CTNNA3: variants seen among roughly 807,000 people sequenced by gnomAD.
CTNNA3 encodes catenin alpha-3.
CTNNA3 carries 76 observed loss-of-function variants against 95.7 expected under a neutral mutation model. The ratio of observed to expected loss-of-function variants is 0.79; its 90% CI spans 0.66 to 0.96. The LOEUF (loss-of-function observed/expected upper bound fraction) is 0.96, where lower values mean the gene tolerates loss of function less well. Ranked by LOEUF, CTNNA3 falls within the 40% of genes least tolerant of loss-of-function variation. CTNNA3 has a pLI of 0.00. For synonymous variants in CTNNA3, 431 were observed against 374.4 expected (o/e 1.15, Z -1.74); for missense variants, 1,191 against 1,089.8 (o/e 1.09, Z -1.31).
chr10:67,669,090 G>T (rs969042863), intron 1 of CTNNA3, among the ~76,000 whole-genome samples: 1 of 151,826 alleles, frequency 6.6e-6, no homozygotes, highest in South Asian at 2.1e-4. Flanking sequence ...TGCCCGCCTC[G>T]GCCTCCCAAA....
intron 7 of CTNNA3, among the ~76,000 whole-genome samples, chr10:66,964,277 C>CT (rs566704978): frequency 2.3e-3 from 316 of 140,070 alleles, no homozygotes; most frequent in East Asian, 4.2e-3. Context: ...AAGAGCAGGT[C>CT]TTTTTTTTTT....
intron 9 of CTNNA3, among the ~76,000 whole-genome samples, chr10:66,665,385 A>G (rs1216091254): frequency 6.6e-6 from 1 of 152,186 alleles, no homozygotes; most frequent in African/African-American, 2.4e-5. Flanking sequence ...CAAAAGCAAC[A>G]ACTCTTTTGG....
chr10:66,774,250 A>G (rs766361369), intron 8 of CTNNA3, among the ~76,000 whole-genome samples: 1 of 152,142 alleles, frequency 6.6e-6, no homozygotes, highest in African/African-American at 2.4e-5. Context: ...TGGGGTAGAA[A>G]TCCTGAAGAC....
intron 11 of CTNNA3, among the ~76,000 whole-genome samples, chr10:66,471,575 C>T (rs1305190932): frequency 6.6e-6 from 1 of 151,322 alleles, no homozygotes; most frequent in African/African-American, 2.4e-5. Context: ...GAATTAAATA[C>T]AGCTTTTTAT....
rs546751200 is a variant in CTNNA3 at position 66,000,031 on chromosome 10, CA to C, written c.2160-11235del. On this transcript the variant is annotated intron_variant, in intron 15 of 17. Transcript: ENST00000433211. ...TTCCATTTTTATACATACTTCAAAACATTATCTCGTACACAATAAATATATA... is the reference window on the plus strand; with the variant it reads ...TTCCATTTTTATACATACTTCAAAACTTATCTCGTACACAATAAATATATA... Among the ~76,000 whole-genome samples the C allele has an allele frequency of 6.2e-3, 935 of 151,434 alleles. 14 individuals carry two copies. The highest frequency in any genetic ancestry group is 0.022 in the African/African-American group (888 of 41,290).
intron 10 of CTNNA3, among the ~76,000 whole-genome samples, chr10:66,616,611 A>G (rs1844523591): frequency 6.6e-6 from 1 of 152,092 alleles, no homozygotes; most frequent in South Asian, 2.1e-4. Flanking sequence ...GGTGATACCT[A>G]TAACTGGGCA....
intron 11 of CTNNA3, among the ~76,000 whole-genome samples, chr10:66,427,778 G>A (rs1436258556): frequency 6.6e-6 from 1 of 151,734 alleles, no homozygotes; most frequent in Non-Finnish European, 1.5e-5. Flanking sequence ...GGAACAACCG[G>A]TACCAGCCAC....
At chr10:65,975,122 A>T (rs1341635173) in intron 16 of CTNNA3, among the ~76,000 whole-genome samples, 2 of 152,122 alleles carry the variant, frequency 1.3e-5, no homozygotes, top group African/African-American at 4.8e-5. Flanking sequence ...CATTACCCTG[A>T]GTCAAAGTCG....
At chr10:67,433,846 T>C (rs543386346) in intron 5 of CTNNA3, among the ~76,000 whole-genome samples, 1 of 152,122 alleles carries the variant, frequency 6.6e-6, no homozygotes, top group African/African-American at 2.4e-5. Context: ...ACCCTAGCCA[T>C]ACCACCTCTC....
chr10:67,673,355 C>T (rs1287888422), intron 1 of CTNNA3, among the ~76,000 whole-genome samples: 15 of 147,804 alleles, frequency 1.0e-4, no homozygotes, highest in South Asian at 2.2e-4. Flanking sequence ...CCTTTATTTC[C>T]TTCTCCTGCC....
Position 66,927,913 on chromosome 10 carries a change from C to T in CTNNA3, c.1048-152389G>A, listed in dbSNP as rs1455918862. The T allele has an allele frequency of 1.2e-6, 2 of 1,614,068 alleles. No homozygotes were observed. Among genetic ancestry groups the T allele is most frequent in the African/African-American group, 2.7e-5 (2 of 74,916 alleles). On this transcript the variant is annotated intron_variant, in intron 7 of 17. Coordinates refer to ENST00000433211, the MANE Select transcript of CTNNA3 (RefSeq NM_013266.4). This position sits in a 1 kb window ranked among gnomAD's most constrained non-coding sequence, Gnocchi z 4.7. ...AAACTGGCTGAAAAGTTTTAAAGGT[C>T]TAAGGGAGAATACAATTATCTGTGC...
At chr10:66,007,781 T>G in intron 15 of CTNNA3, among the ~76,000 whole-genome samples, 1 of 39,156 alleles carries the variant, frequency 2.6e-5, no homozygotes, top group South Asian at 1.6e-3. Context: ...TTCCTTCCTT[T>G]CCTCCCTTCC....
chr10:66,620,484 T>C (rs1258399461), intron 10 of CTNNA3, among the ~76,000 whole-genome samples: 2 of 152,302 alleles, frequency 1.3e-5, no homozygotes, highest in Middle Eastern at 3.4e-3. Context: ...TTAAAACCAA[T>C]GAGAGATACT....
At chr10:66,581,928 T>A (rs912126401) in intron 10 of CTNNA3, among the ~76,000 whole-genome samples, 1 of 151,866 alleles carries the variant, frequency 6.6e-6, no homozygotes, top group Non-Finnish European at 1.5e-5. Context: ...CCGATTTATG[T>A]TTTTGTATGT....
intron 11 of CTNNA3, among the ~76,000 whole-genome samples, chr10:66,461,685 G>GTGTATA (rs1554968516): frequency 6.5e-4 from 91 of 140,140 alleles, no homozygotes; most frequent in African/African-American, 2.4e-3. Flanking sequence ...ATATATATAT[G>GTGTATA]TATATATATA....
chr10:66,926,125 C>T (rs1483946315), intron 7 of CTNNA3: 1 of 458,826 alleles, frequency 2.2e-6, no homozygotes, highest in Non-Finnish European at 4.4e-6. Context: ...TGGGCTCCAA[C>T]GCAGCTCTGT....
chr10:66,393,976 C>G (rs1302720750), intron 11 of CTNNA3, among the ~76,000 whole-genome samples: 2 of 151,896 alleles, frequency 1.3e-5, no homozygotes, highest in African/African-American at 4.8e-5. Flanking sequence ...TATTATTCAG[C>G]TATTCCAAAT....
At chr10:67,682,253 C>T (rs374514940) in intron 1 of CTNNA3, among the ~76,000 whole-genome samples, 16 of 150,046 alleles carry the variant, frequency 1.1e-4, no homozygotes, top group East Asian at 5.9e-4. Flanking sequence ...TGTGAACACA[C>T]GAGGCGGAGC....
chr10:66,225,028 C>A (rs1052494207), intron 13 of CTNNA3, among the ~76,000 whole-genome samples: 16 of 151,940 alleles, frequency 1.1e-4, no homozygotes, highest in African/African-American at 4.8e-5. Context: ...TTTATCATTT[C>A]TTTGCGCTAG....
Sources: gnomAD v4.1 joint callset for allele counts (sites outside exome capture counted in the v4.1 genomes callset) on GRCh38, gnomAD v4.1.1 for gene constraint, Gnocchi (gnomAD v3.1) non-coding constraint, MANE v1.5 for transcripts, NCBI Gene and HGNC (gene_info 2026-07-23, HGNC 2026-07-21) for gene names.